BPTF: variants seen among roughly 807,000 people sequenced by gnomAD.
BPTF encodes the protein nucleosome-remodeling factor subunit BPTF.
In BPTF, 18 loss-of-function variants were observed where a neutral mutation model predicts 292.5. The ratio of observed to expected loss-of-function variants is 0.06; its 90% CI spans 0.04 to 0.09. The LOEUF is 0.09. Ranked by LOEUF, BPTF falls within the 10% of genes least tolerant of loss-of-function variation. BPTF has a pLI of 1.00. For synonymous variants in BPTF, 1,225 were observed against 1,251.9 expected (o/e 0.98, Z 0.45); for missense variants, 2,726 against 3,498.7 (o/e 0.78, Z 5.57).
intron 1 of BPTF, among the ~76,000 whole-genome samples, chr17:67,851,272 C>CTT (rs57971998): frequency 1.6e-3 from 204 of 129,912 alleles, no homozygotes; most frequent in African/African-American, 5.1e-3. Flanking sequence ...CGATTTTCTG[C>CTT]TTTTTTTTTT....
chr17:67,843,247 A>G (rs1567880130), intron 1 of BPTF, among the ~76,000 whole-genome samples: 3 of 146,630 alleles, frequency 2.0e-5, no homozygotes, highest in African/African-American at 7.3e-5. Context: ...CATACATGTA[A>G]ATATATATCT....
chr17:67,909,666 A>G lies in BPTF; in HGVS notation c.2897A>G (p.Asp966Gly). Residue 966 changes from aspartate to glycine, a missense_variant, in exon 10 of 28, where the codon GAT becomes GGT. Asp to Gly is a moderately conservative substitution (Grantham distance 94). Coordinates refer to ENST00000306378, the MANE Select transcript of BPTF (RefSeq NM_182641.4). ...CCAAAAAAAATAAAAATAGAGCCTG[A>G]TTCTGAAAAAGATGAGGTAAAAGGT... ...RSPKKIKIEP[D>G]SEKDEVKGSD... is the part of the protein sequence containing the mutation. The G allele has an allele frequency of 6.2e-7, 1 of 1,606,766 alleles. No individual in the cohort carries two copies. Among genetic ancestry groups the G allele is most frequent in the South Asian group, 1.1e-5 (1 of 88,494 alleles).
intron 26 of BPTF, chr17:67,974,154 C>T: frequency 6.6e-6 from 1 of 151,890 alleles, no homozygotes; most frequent in Non-Finnish European, 1.5e-5. Context: ...GATTACTGGC[C>T]TTTCACTCTC....
At chr17:67,942,641 G>T (rs545003139) in intron 19 of BPTF, among the ~76,000 whole-genome samples, 1 of 152,296 alleles carries the variant, frequency 6.6e-6, no homozygotes, top group East Asian at 1.9e-4. Flanking sequence ...TAGAGAAGTT[G>T]TTGGCCATGT....
chr17:67,967,044 G>C (rs1474536746), intron 26 of BPTF, among the ~76,000 whole-genome samples: 1 of 151,350 alleles, frequency 6.6e-6, no homozygotes, highest in Admixed American at 6.6e-5. Flanking sequence ...AGGTTGCAGT[G>C]AACAGAGATC....
At chr17:67,928,999 C>T (rs1568098828) in intron 16 of BPTF, 2 of 1,193,348 alleles carry the variant, frequency 1.7e-6, no homozygotes, top group East Asian at 9.2e-5. Context: ...CCATTGCCAG[C>T]ACAGGTCAGA....
At chr17:67,977,031 G>A (rs1319256263) in intron 27 of BPTF, among the ~76,000 whole-genome samples, 3 of 152,168 alleles carry the variant, frequency 2.0e-5, no homozygotes, top group South Asian at 2.1e-4. Flanking sequence ...ACAAGAATTA[G>A]ATTGGTGTCA....
At chr17:67,865,543 A>C (rs2059346340) in intron 2 of BPTF, among the ~76,000 whole-genome samples, 1 of 152,174 alleles carries the variant, frequency 6.6e-6, no homozygotes, top group South Asian at 2.1e-4. Context: ...CAAGCAAATG[A>C]GTGTATTTAA....
chr17:67,900,038 A>G (rs8075984), intron 7 of BPTF, among the ~76,000 whole-genome samples: 15,280 of 152,166 alleles, frequency 0.1, 2,614 homozygotes, highest in African/African-American at 0.35. Context: ...TTAATGAAGC[A>G]GAAGATTCCA....
At chr17:67,918,580 A>G in intron 11 of BPTF, 134 bp from the exon 12 acceptor site, 1 of 756,576 alleles carries the variant, frequency 1.3e-6, no homozygotes, top group Non-Finnish European at 1.9e-6. Flanking sequence ...AAGTCTTACA[A>G]AACCATATTA....
chr17:67,917,013 C>T lies in BPTF; in HGVS notation c.5304-1701C>T, dbSNP rs77612826. Reference sequence around the variant, plus strand: ...AGTTAAGTAAATTTATTTTGAAATACGTTTTTAGTATTTTTTAAGAATGTG... The same window carrying T: ...AGTTAAGTAAATTTATTTTGAAATATGTTTTTAGTATTTTTTAAGAATGTG... On this transcript the variant is annotated intron_variant, in intron 11 of 27. Transcript: ENST00000306378. 5.8e-3 allele frequency among the ~76,000 whole-genome samples: 887 copies of T among 151,684 alleles called. 8 individuals carry two copies. The highest frequency in any genetic ancestry group is 0.027 in the East Asian group (141 of 5,142).
intron 4 of BPTF, among the ~76,000 whole-genome samples, chr17:67,890,467 C>T (rs890112571): frequency 1.3e-5 from 2 of 152,182 alleles, no homozygotes; most frequent in South Asian, 2.1e-4. Context: ...GCAAAGACCC[C>T]TTCTCCATCT....
At chr17:67,928,269 G>T in intron 15 of BPTF, 86 bp from the exon 16 acceptor site, 2 of 1,386,680 alleles carry the variant, frequency 1.4e-6, no homozygotes, top group South Asian at 1.5e-5. Flanking sequence ...TAAGGTGAGA[G>T]AAATTGTGGA....
At chr17:67,901,832 A>G (rs939734752) in intron 7 of BPTF, among the ~76,000 whole-genome samples, 1 of 152,222 alleles carries the variant, frequency 6.6e-6, no homozygotes, top group African/African-American at 2.4e-5. Flanking sequence ...ATCCGTCAGC[A>G]TTTTCAGTGC....
chr17:67,871,250 T>G (rs1180584329), intron 3 of BPTF, among the ~76,000 whole-genome samples: 1 of 152,018 alleles, frequency 6.6e-6, no homozygotes, highest in Non-Finnish European at 1.5e-5. Flanking sequence ...GTTACCAGCC[T>G]GATCAACATG....
At position 67,920,078 on chromosome 17, in the gene BPTF, G is replaced by T. The variant is rs2063333594; in HGVS notation, c.5492G>T (p.Gly1831Val). ...IIKRRDVGPY[G>V]IRSEYCIRKI... is the part of the protein sequence containing the mutation. ...AAGAGGAGAGATGTTGGTCCTTATG[G>T]CATTCGATCTGAATATTGTATCAGG... Residue 1831 changes from glycine to valine, a missense_variant, in exon 13 of 28, where the codon GGC becomes GTC. Physicochemically the swap from Gly to Val is moderately radical, Grantham distance 109 (BLOSUM62 -3). Around this residue, in one of 22 missense-constraint regions of BPTF, gnomAD observed 198 missense variants for 277.1 expected, o/e 0.71. Coordinates refer to ENST00000306378, the MANE Select transcript of BPTF (RefSeq NM_182641.4). 6.2e-7 allele frequency: 1 copy of T among 1,611,500 alleles called. No individual in the cohort carries two copies. The highest frequency in any genetic ancestry group is 1.3e-5 in the African/African-American group (1 of 74,834).
intron 26 of BPTF, 39 bp from the exon 27 acceptor site, chr17:67,975,733 T>C (rs782396507): frequency 4.5e-6 from 7 of 1,558,822 alleles, no homozygotes; most frequent in Non-Finnish European, 5.2e-6. Context: ...TGGAAAAACC[T>C]TAAAGCTCTG....
intron 1 of BPTF, among the ~76,000 whole-genome samples, chr17:67,844,178 C>G (rs1371745682): frequency 6.8e-6 from 1 of 146,830 alleles, no homozygotes; most frequent in African/African-American, 2.5e-5. Flanking sequence ...CTCCCAGGTT[C>G]AAGTGAGTCT....
intron 1 of BPTF, among the ~76,000 whole-genome samples, chr17:67,830,776 C>A (rs1296588309): frequency 4.6e-5 from 7 of 152,148 alleles, no homozygotes; most frequent in Non-Finnish European, 8.8e-5. Context: ...TTGGGCAGTA[C>A]CTAGAGGATC....
Sources: allele counts gnomAD v4.1 joint callset (sites outside exome capture counted in the v4.1 genomes callset), GRCh38; gene constraint gnomAD v4.1.1; regional missense constraint gnomAD v4.1.1; transcripts MANE v1.5; gene names NCBI Gene and HGNC (gene_info 2026-07-23, HGNC 2026-07-21).